CNTN2: variants seen among roughly 807,000 people sequenced by gnomAD.
CNTN2 encodes contactin-2.
Under a neutral mutation model 117.5 loss-of-function variants are expected in CNTN2, and 53 were observed. The ratio of observed to expected loss-of-function variants is 0.45; its 90% CI spans 0.36 to 0.57. The LOEUF (loss-of-function observed/expected upper bound fraction) is 0.57, where lower values mean the gene tolerates loss of function less well. Ranked by LOEUF, CNTN2 falls within the 20% of genes least tolerant of loss-of-function variation. The probability of loss-of-function intolerance (pLI) is 0.00; values close to 1 mark genes in which losing one functional copy is unlikely to be tolerated. For missense variants in CNTN2, 1,106 were observed against 1,404.3 expected (o/e 0.79, Z 3.39); for synonymous variants, 530 against 561.7 (o/e 0.94, Z 0.80).
At chr1:205,050,442 C>T (rs1032388713) in intron 1 of CNTN2, among the ~76,000 whole-genome samples, 5 of 152,278 alleles carry the variant, frequency 3.3e-5, no homozygotes, top group South Asian at 2.1e-4. Flanking sequence ...TTCAAATTTA[C>T]GATGGTGCAA....
chr1:205,070,406 C>T lies in CNTN2; in HGVS notation c.2432-20C>T. 6.4e-7 allele frequency: 1 copy of T among 1,564,208 alleles called. No homozygotes were observed. The highest frequency in any genetic ancestry group is 8.8e-7 in the Non-Finnish European group (1 of 1,137,514). ...CAGGGGGGCCCTGGGAATCCAAACC[C>T]ATTCTGTATTGGTCCCCAGAGCCCA... is the stretch of plus-strand genomic sequence containing the variant. On this transcript the variant is annotated intron_variant, in intron 18 of 22. Transcript: ENST00000331830.
At chr1:205,053,978 C>T (rs1291197830) in intron 2 of CNTN2, among the ~76,000 whole-genome samples, 2 of 152,176 alleles carry the variant, frequency 1.3e-5, no homozygotes, top group Non-Finnish European at 2.9e-5. Flanking sequence ...GTGAAGAGGG[C>T]AGGCCGAGAG....
chr1:205,073,659 C>G lies in CNTN2; in HGVS notation c.3017C>G (p.Thr1006Arg). 1 of 1,613,560 alleles carries G rather than the reference C, an allele frequency of 6.2e-7. No individual in the cohort carries two copies. Among genetic ancestry groups the G allele is most frequent in the Non-Finnish European group, 8.5e-7 (1 of 1,179,964 alleles). ...ACTCAGCTTGTGCTGGTTTCAGGCA[C>G]AAGCATGATGGTGGAGAACATGGCA... The part of the protein sequence containing the change: ...AEVHIVRNGG[T>R]SMMVENMAVR... The change falls in exon 23 of 23, where the codon ACA becomes AGA. Residue 1006 changes from threonine to arginine, a missense_variant. Thr to Arg is a moderately conservative substitution (Grantham distance 71, BLOSUM62 -1). Coordinates refer to ENST00000331830, the MANE Select transcript of CNTN2 (RefSeq NM_005076.5). This position sits in a 1 kb window ranked among gnomAD's most constrained non-coding sequence, Gnocchi z 6.3.
chr1:205,072,160 T>C, intron 20 of CNTN2, 27 bp downstream of exon 20: 1 of 1,577,670 alleles, frequency 6.3e-7, no homozygotes. Flanking sequence ...GGGGTGGGGG[T>C]AGGGCAATAT....
At position 205,058,121 on chromosome 1, in the gene CNTN2, C is replaced by T; in HGVS notation, c.215+56C>T. ...CCTGGGCAGCCGTTGAACTTTCCCTCTCATCAGCCCTGCCACCAGGCAGGA... is the reference window on the plus strand; with the variant it reads ...CCTGGGCAGCCGTTGAACTTTCCCTTTCATCAGCCCTGCCACCAGGCAGGA... On this transcript the variant is annotated intron_variant, in intron 3 of 22. Coordinates refer to ENST00000331830, the MANE Select transcript of CNTN2 (RefSeq NM_005076.5). The surrounding 1 kb of genome is among the most constrained non-coding windows in gnomAD (Gnocchi z 4.3). The T allele has an allele frequency of 6.2e-7, 1 of 1,600,690 alleles. No individual in the cohort carries two copies. Among genetic ancestry groups the T allele is most frequent in the Non-Finnish European group, 8.5e-7 (1 of 1,173,348 alleles).
chr1:205,058,054 A>C lies in CNTN2; in HGVS notation c.204A>C (p.Pro68=). 1 of 1,613,648 alleles carries C rather than the reference A, an allele frequency of 6.2e-7. No individual in the cohort carries two copies. Among genetic ancestry groups the C allele is most frequent in the Non-Finnish European group, 8.5e-7 (1 of 1,179,880 alleles). ...LLACRARASP[P]ATYRWKMNGT... is the part of the protein sequence containing the mutation. ...CATGCCGCGCCCGGGCCAGCCCTCC[A>C]GCCACCTATCGGTAAGGCCTCTGCA... is the stretch of plus-strand genomic sequence containing the variant. The change falls in exon 3 of 23, where the codon CCA becomes CCC. Residue 68 remains proline, a synonymous_variant. Coordinates refer to ENST00000331830, the MANE Select transcript of CNTN2 (RefSeq NM_005076.5). The surrounding 1 kb of genome is among the most constrained non-coding windows in gnomAD (Gnocchi z 4.3).
At chr1:205,063,245 G>C (rs1314729891) in intron 10 of CNTN2, 1 of 152,234 alleles carries the variant, frequency 6.6e-6, no homozygotes, top group Non-Finnish European at 1.5e-5. Context: ...CTGCCTTTAA[G>C]TAGCTTACAA....
At chr1:205,062,029 C>T (rs1210453225) in intron 9 of CNTN2, 28 bp downstream of exon 9, 1 of 1,609,450 alleles carries the variant, frequency 6.2e-7, no homozygotes, top group South Asian at 1.1e-5. Context: ...TCCCCCGACA[C>T]ATCACAACTG....
chr1:205,058,438 C>T lies in CNTN2; in HGVS notation c.391+82C>T, dbSNP rs1653781075. On this transcript the variant is annotated intron_variant, in intron 4 of 22. Transcript: ENST00000331830. This position sits in a 1 kb window ranked among gnomAD's most constrained non-coding sequence, Gnocchi z 4.3. The stretch of plus-strand genomic sequence containing the variant: ...AATTACTGAGAAAGGATAAGGGACA[C>T]CCTCAAGCCGGGCCTTCCTGACCTC... 1.3e-6 allele frequency: 2 copies of T among 1,536,720 alleles called. No individual in the cohort carries two copies. The highest frequency in any genetic ancestry group is 2.3e-5 in the East Asian group (1 of 43,178).
Position 205,058,517 on chromosome 1 carries a change from G to T in CNTN2, c.392-51G>T. On this transcript the variant is annotated intron_variant, in intron 4 of 22. Transcript: ENST00000331830. This position sits in a 1 kb window ranked among gnomAD's most constrained non-coding sequence, Gnocchi z 4.3. ...TCTCCGTGAAGGATGAGTCGGGGAG[G>T]GGCTCGCAGGCCAGGAGGACAGTGC... 1 of 1,592,516 alleles carries T rather than the reference G, an allele frequency of 6.3e-7. No individual in the cohort carries two copies. The highest frequency in any genetic ancestry group is 8.6e-7 in the Non-Finnish European group (1 of 1,162,480).
At chr1:205,052,398 A>C (rs907967578) in intron 1 of CNTN2, among the ~76,000 whole-genome samples, 1 of 152,212 alleles carries the variant, frequency 6.6e-6, no homozygotes, top group Non-Finnish European at 1.5e-5. Flanking sequence ...TCTTCTCCAG[A>C]GCTCAATGAT....
In CNTN2 at chr1:205,073,564, T is replaced by C. The variant is rs948617510; in HGVS notation, c.3014-92T>C. On this transcript the variant is annotated intron_variant, in intron 22 of 22. Coordinates refer to ENST00000331830, the MANE Select transcript of CNTN2 (RefSeq NM_005076.5). The surrounding 1 kb of genome is among the most constrained non-coding windows in gnomAD (Gnocchi z 6.3). ...CCGCTCCCAGGCCTGCAGCTGGCCC[T>C]GTGAGTCTCCTTAGGAAAGGTCTCA... is the stretch of plus-strand genomic sequence containing the variant. 18 of 1,167,746 alleles carry C rather than the reference T, an allele frequency of 1.5e-5. No individual in the cohort carries two copies. Among genetic ancestry groups the C allele is most frequent in the African/African-American group, 7.6e-5 (5 of 65,910 alleles). The allele number at this position is 1,167,746 out of a possible 1,614,324, so 72.3% of individuals were successfully genotyped here. A position where few individuals can be genotyped will look rare whatever the true frequency, so the allele number is the denominator to read the frequency against.
chr1:205,058,442 C>T lies in CNTN2; in HGVS notation c.391+86C>T, dbSNP rs567031902. The stretch of plus-strand genomic sequence containing the variant: ...ACTGAGAAAGGATAAGGGACACCCT[C>T]AAGCCGGGCCTTCCTGACCTCACAT... On this transcript the variant is annotated intron_variant, in intron 4 of 22. Coordinates refer to ENST00000331830, the MANE Select transcript of CNTN2 (RefSeq NM_005076.5). The surrounding 1 kb of genome is among the most constrained non-coding windows in gnomAD (Gnocchi z 4.3). 4 of 1,535,556 alleles carry T rather than the reference C, an allele frequency of 2.6e-6. No individual in the cohort carries two copies. The African/African-American group carries it at 5.4e-5, about 21-fold the overall frequency.
intron 10 of CNTN2, 59 bp from the exon 11 acceptor site, chr1:205,064,263 G>C: frequency 6.6e-7 from 1 of 1,507,414 alleles, no homozygotes; most frequent in South Asian, 1.3e-5. Flanking sequence ...GGCACGCCAA[G>C]TAACGTCTTA....
At chr1:205,051,351 G>A (rs369073530) in intron 1 of CNTN2, among the ~76,000 whole-genome samples, 10 of 152,314 alleles carry the variant, frequency 6.6e-5, no homozygotes, top group South Asian at 4.1e-4. Context: ...GGCCCTTCCC[G>A]GCAGGGATGA....
At position 205,065,915 on chromosome 1, in the gene CNTN2, G is replaced by A; in HGVS notation, c.1816+6G>A. The A allele has an allele frequency of 2.5e-6, 4 of 1,607,284 alleles. No homozygotes were observed. The highest frequency in any genetic ancestry group is 3.4e-6 in the Non-Finnish European group (4 of 1,176,324). On this transcript the variant is annotated splice_donor_region_variant and intron_variant, in intron 14 of 22. Transcript: ENST00000331830. This position sits in a 1 kb window ranked among gnomAD's most constrained non-coding sequence, Gnocchi z 4.1. Reference sequence around the variant, plus strand: ...GGCCACAGTCCTGGTCCGAGGTGAGGGGTTTCCCACCTCTACCCCTACCCC... The same window carrying A: ...GGCCACAGTCCTGGTCCGAGGTGAGAGGTTTCCCACCTCTACCCCTACCCC...
rs757814205 is a variant in CNTN2 at position 205,069,481 on chromosome 1, C to T, written c.2126-10C>T. On this transcript the variant is annotated splice_polypyrimidine_tract_variant and intron_variant, in intron 16 of 22. Coordinates refer to ENST00000331830, the MANE Select transcript of CNTN2 (RefSeq NM_005076.5). ...AACAAGCCATATCGGTGTCCCTTGG[C>T]CCTTGACAGCCCCCTCGGTGGCACC... 6 of 1,613,958 alleles carry T rather than the reference C, an allele frequency of 3.7e-6. No homozygotes were observed. Among genetic ancestry groups the T allele is most frequent in the Middle Eastern group, 1.7e-4 (1 of 6,060 alleles).
intron 7 of CNTN2, chr1:205,060,982 C>T (rs1037198490): frequency 5.2e-5 from 23 of 439,890 alleles, no homozygotes; most frequent in Non-Finnish European, 8.6e-5. Flanking sequence ...GTGCAGACCC[C>T]GCAGAAGCCC....
chr1:205,068,482 G>GA (rs1485134175), intron 16 of CNTN2: 1 of 152,196 alleles, frequency 6.6e-6, no homozygotes, highest in Non-Finnish European at 1.5e-5. Flanking sequence ...GATTGATCCT[G>GA]AACTTCTTGG....
Sources: gnomAD v4.1 joint callset for allele counts (sites outside exome capture counted in the v4.1 genomes callset) on GRCh38, gnomAD v4.1.1 for gene constraint, Gnocchi (gnomAD v3.1) non-coding constraint, MANE v1.5 for transcripts, NCBI Gene and HGNC (gene_info 2026-07-23, HGNC 2026-07-21) for gene names.